The following NSG1 variants were observed in gnomAD, a reference collection of about 807,000 sequenced individuals.
NSG1 encodes neuronal vesicle trafficking-associated protein 1.
Under a neutral mutation model 19.3 loss-of-function variants are expected in NSG1, and 9 were observed. The ratio of observed to expected loss-of-function variants is 0.47; its 90% CI spans 0.28 to 0.81. NSG1 has a LOEUF of 0.81. Ranked by LOEUF, NSG1 falls within the 40% of genes least tolerant of loss-of-function variation. NSG1 has a pLI of 0.11. For synonymous variants in NSG1, 104 were observed against 107.0 expected, an observed-to-expected ratio of 0.97 and a Z score of 0.17; for missense variants, 236 against 242.4, an observed-to-expected ratio of 0.97 and a Z score of 0.18.
upstream of NSG1, chr4:4,386,969 ACGCGCGCACCCACC>A (rs71169644): frequency 0.23 from 35,070 of 151,704 alleles, 4,456 homozygotes; most frequent in East Asian, 0.33. Flanking sequence ...GCGCGGCCAC[ACGCGCGCACCCACC>A]CGCGCGCACC....
At chr4:4,400,942 C>A (rs149505194) in intron 3 of NSG1, among the ~76,000 whole-genome samples, 5 of 152,224 alleles carry the variant, frequency 3.3e-5, no homozygotes, top group Admixed American at 6.5e-5. Context: ...GTGTTTTACT[C>A]ATTTAAAACA....
chr4:4,386,884 C>G (rs1193096209), upstream of NSG1: 2 of 152,054 alleles, frequency 1.3e-5, no homozygotes, highest in African/African-American at 4.8e-5. Flanking sequence ...AGGGCGGGCG[C>G]GTGGTCCCAG....
rs564116786 is a variant in NSG1, at chr4:4,397,274, C to A, written c.246+5683C>A. On this transcript the variant is annotated intron_variant, in intron 3 of 4. Transcript: ENST00000621129. ...CCCAGCGCCGTCGACCTGGCGCCAT[C>A]GACCCAGTGCATGCCTGGGCTTGGG... is the stretch of plus-strand genomic sequence containing the variant. 3.2e-4 allele frequency among the ~76,000 whole-genome samples: 48 copies of A among 152,180 alleles called. No homozygotes were observed. In the Middle Eastern group the frequency reaches 0.01, roughly 32 times the overall value.
intron 3 of NSG1, among the ~76,000 whole-genome samples, chr4:4,401,747 C>CT (rs1396449034): frequency 2.6e-5 from 4 of 152,126 alleles, no homozygotes; most frequent in Admixed American, 6.5e-5. Flanking sequence ...AAGGCAGGGC[C>CT]TTTTGGGACT....
At chr4:4,389,686 C>G (rs1026666881) in intron 2 of NSG1, among the ~76,000 whole-genome samples, 1 of 152,104 alleles carries the variant, frequency 6.6e-6, no homozygotes, top group East Asian at 1.9e-4. Flanking sequence ...TCACCTGTTT[C>G]AGGTGACATG....
chr4:4,390,609 C>T (rs1354123173), intron 2 of NSG1, among the ~76,000 whole-genome samples: 1 of 152,200 alleles, frequency 6.6e-6, no homozygotes, highest in African/African-American at 2.4e-5. Flanking sequence ...AACAGCCTCT[C>T]CTGGAACCTG....
chr4:4,390,982 G>A (rs1364026888), intron 2 of NSG1, among the ~76,000 whole-genome samples: 2 of 152,204 alleles, frequency 1.3e-5, no homozygotes, highest in Non-Finnish European at 2.9e-5. Flanking sequence ...TCCTGGATCT[G>A]TTTCCAGACA....
At chr4:4,412,386 G>A (rs1049911151) in intron 4 of NSG1, among the ~76,000 whole-genome samples, 10 of 151,682 alleles carry the variant, frequency 6.6e-5, no homozygotes, top group African/African-American at 2.4e-4. Context: ...GGCGCTCCAG[G>A]TGATTCCCAT....
In NSG1 at chr4:4,387,700, C is replaced by G. The variant is rs772961206; in HGVS notation, c.71C>G (p.Thr24Ser). Residue 24 changes from threonine to serine, a missense_variant, in exon 2 of 5, where the codon ACC (threonine) becomes AGC (serine). Coordinates refer to ENST00000621129, the MANE Select transcript of NSG1 (RefSeq NM_014392.5). ...KQPLLEDGFD[T>S]IPLMTPLDVN... Reference sequence around the variant, plus strand: ...CCGCTGCTGGAGGATGGCTTCGACACCATTCCCCTGATGACGCCCCTCGAT... The same window carrying G: ...CCGCTGCTGGAGGATGGCTTCGACAGCATTCCCCTGATGACGCCCCTCGAT... 6.2e-7 allele frequency: 1 copy of G among 1,613,780 alleles called. No individual in the cohort carries two copies. The highest frequency in any genetic ancestry group is 1.1e-5 in the South Asian group (1 of 91,084).
At chr4:4,416,550 C>T (rs971988305) in intron 4 of NSG1, among the ~76,000 whole-genome samples, 3 of 152,112 alleles carry the variant, frequency 2.0e-5, no homozygotes, top group Non-Finnish European at 2.9e-5. Flanking sequence ...AAAACGCCCC[C>T]GGCCCTGCCT....
At chr4:4,402,416 C>T (rs1253545815) in intron 3 of NSG1, among the ~76,000 whole-genome samples, 3 of 100,478 alleles carry the variant, frequency 3.0e-5, no homozygotes, top group Non-Finnish European at 5.3e-5. Flanking sequence ...GAGACGGAGT[C>T]TTGCTCTGTC....
At chr4:4,387,549 C>T in intron 1 of NSG1, 55 bp from the exon 2 acceptor site, 1 of 576,030 alleles carries the variant, frequency 1.7e-6, no homozygotes, top group African/African-American at 1.9e-5. Context: ...CCACTTCCCC[C>T]CCGCCCCGCC....
At chr4:4,388,327 G>C (rs547159236) in intron 2 of NSG1, among the ~76,000 whole-genome samples, 7 of 152,318 alleles carry the variant, frequency 4.6e-5, no homozygotes, top group Admixed American at 1.3e-4. Flanking sequence ...TTCCTTTTGT[G>C]AAATCTCCAA....
chr4:4,416,783 T>A (rs1272319469), intron 4 of NSG1, among the ~76,000 whole-genome samples: 1 of 152,164 alleles, frequency 6.6e-6, no homozygotes, highest in South Asian at 2.1e-4. Context: ...CTGGTTTCCT[T>A]TGCCTTGAGT....
intron 3 of NSG1, among the ~76,000 whole-genome samples, chr4:4,398,568 T>A (rs1184016187): frequency 6.6e-6 from 1 of 152,226 alleles, no homozygotes; most frequent in Non-Finnish European, 1.5e-5. Context: ...CTGGCCTCTT[T>A]CACTTAGCAT....
chr4:4,387,965 A>G (rs751953648), intron 2 of NSG1, among the ~76,000 whole-genome samples: 14 of 150,700 alleles, frequency 9.3e-5, no homozygotes, highest in African/African-American at 2.7e-4. Context: ...CCTGCCTTAG[A>G]TGATATTCTC....
At chr4:4,413,154 C>T (rs1724311067) in intron 4 of NSG1, among the ~76,000 whole-genome samples, 1 of 152,132 alleles carries the variant, frequency 6.6e-6, no homozygotes, top group African/African-American at 2.4e-5. Flanking sequence ...GTACAGCCCC[C>T]TGCCTTCACG....
intron 3 of NSG1, among the ~76,000 whole-genome samples, chr4:4,402,371 A>AT (rs1161754574): frequency 0.012 from 640 of 53,928 alleles, 118 homozygotes; most frequent in Middle Eastern, 0.037. Flanking sequence ...ACGCCTGGTT[A>AT]TTTTTTTTTT....
At position 4,387,671 on chromosome 4, in the gene NSG1, G is replaced by A. The variant is rs1047474156; in HGVS notation, c.42G>A (p.Lys14=). ...LGNNFAEKGT[K]QPLLEDGFDT... ...ACAATTTCGCAGAGAAGGGCACCAA[G>A]CAGCCGCTGCTGGAGGATGGCTTCG... is the stretch of plus-strand genomic sequence containing the variant. The change falls in exon 2 of 5, where the codon AAG becomes AAA. Residue 14 remains lysine, a synonymous_variant. Transcript: ENST00000621129. 4.3e-6 allele frequency: 7 copies of A among 1,613,650 alleles called. No individual in the cohort carries two copies. The highest frequency in any genetic ancestry group is 5.9e-6 in the Non-Finnish European group (7 of 1,179,866).
Sources: gnomAD v4.1 joint callset for allele counts (sites outside exome capture counted in the v4.1 genomes callset) on GRCh38, gnomAD v4.1.1 for gene constraint, MANE v1.5 for transcripts, NCBI Gene and HGNC (gene_info 2026-07-23, HGNC 2026-07-21) for gene names.